TJP2: variants seen among roughly 807,000 people sequenced by gnomAD.
TJP2 encodes Friedreich ataxia region gene X104 (tight junction protein ZO-2).
Under a neutral mutation model 133.1 loss-of-function variants are expected in TJP2, and 91 were observed. The observed-to-expected ratio is 0.68, with a 90% confidence interval of 0.58 to 0.81. The LOEUF (loss-of-function observed/expected upper bound fraction) is 0.81. Among genes scored for constraint, TJP2 ranks in the 40% least tolerant of loss-of-function variants. The probability of loss-of-function intolerance (pLI) is 0.00; values close to 1 mark genes in which losing one functional copy is unlikely to be tolerated. For synonymous variants in TJP2, 592 were observed against 583.4 expected (o/e 1.01, Z -0.21); for missense variants, 1,541 against 1,565.6 (o/e 0.98, Z 0.26).
At chr9:69,207,060 TCA>T (rs1827485666) in intron 1 of TJP2, among the ~76,000 whole-genome samples, 1 of 152,186 alleles carries the variant, frequency 6.6e-6, no homozygotes, top group African/African-American at 2.4e-5. Flanking sequence ...CCTGCCCAGG[TCA>T]CCTCATCCTG....
intron 11 of TJP2, among the ~76,000 whole-genome samples, chr9:69,232,800 T>C (rs1024134673): frequency 6.6e-6 from 1 of 152,222 alleles, no homozygotes; most frequent in African/African-American, 2.4e-5. Context: ...AAAAAAGACT[T>C]CTAAGTTTGG....
At chr9:69,240,793 C>A (rs1397773235) in intron 17 of TJP2, among the ~76,000 whole-genome samples, 2 of 150,534 alleles carry the variant, frequency 1.3e-5, no homozygotes, top group Non-Finnish European at 3.0e-5. Context: ...TGAGTGAGAC[C>A]CTGTCTCTTC....
Position 69,229,208 on chromosome 9 carries a change from G to T in TJP2, c.1478G>T (p.Arg493Ile), listed in dbSNP as rs41277901. ...GCTCCTCAACCAAAAGCAGCCCCGAGAACTTTTCTTCGTCCTAGTCCTGAA... is the reference window on the plus strand; with the variant it reads ...GCTCCTCAACCAAAAGCAGCCCCGATAACTTTTCTTCGTCCTAGTCCTGAA... Reference protein sequence around the residue: ...PPAPQPKAAPRTFLRPSPEDE... With the variant: ...PPAPQPKAAPITFLRPSPEDE... The change falls in exon 10 of 23, where the codon AGA (arginine) becomes ATA (isoleucine). Residue 493 changes from arginine (R) to isoleucine (I), a missense_variant. Physicochemically the swap from Arg to Ile is moderately conservative, Grantham distance 97. Coordinates refer to ENST00000377245, the MANE Select transcript of TJP2 (RefSeq NM_004817.4). The T allele has an allele frequency of 6.2e-7, 1 of 1,614,100 alleles. No individual in the cohort carries two copies. Among genetic ancestry groups the T allele is most frequent in the Admixed American group, 1.7e-5 (1 of 60,026 alleles).
At chr9:69,154,318 G>T (rs538695627) in intron 2 of TJP2, among the ~76,000 whole-genome samples, 1 of 152,146 alleles carries the variant, frequency 6.6e-6, no homozygotes, top group Non-Finnish European at 1.5e-5. Flanking sequence ...TGTTGTGATC[G>T]ATTGGCAATG....
intron 19 of TJP2, 157 bp downstream of exon 19, chr9:69,248,381 G>C (rs1379175788): frequency 1.6e-5 from 23 of 1,438,692 alleles, no homozygotes; most frequent in Non-Finnish European, 2.1e-5. Flanking sequence ...ACGCTGGCAT[G>C]GTTGCAGTCT....
At chr9:69,205,815 C>G (rs965483659) in intron 1 of TJP2, among the ~76,000 whole-genome samples, 1 of 152,150 alleles carries the variant, frequency 6.6e-6, no homozygotes, top group Non-Finnish European at 1.5e-5. Flanking sequence ...CAGCAGCAGT[C>G]TGTGGATACA....
chr9:69,248,623 A>G, intron 19 of TJP2: 1 of 1,111,416 alleles, frequency 9.0e-7, no homozygotes, highest in Non-Finnish European at 1.1e-6. Context: ...TCCTGCCTTT[A>G]ACCTTTCTAA....
At chr9:69,187,911 T>C (rs3002380) in intron 1 of TJP2, among the ~76,000 whole-genome samples, 70,647 of 152,122 alleles carry the variant, frequency 0.46, 16,666 homozygotes, top group South Asian at 0.53. Flanking sequence ...ATTCTCTCCC[T>C]TTTCTTAGAG....
At chr9:69,198,393 T>C (rs11145648) in intron 1 of TJP2, among the ~76,000 whole-genome samples, 57,714 of 152,112 alleles carry the variant, frequency 0.38, 11,218 homozygotes, top group South Asian at 0.44. Flanking sequence ...CTGCCCGCCT[T>C]GGCCTCCCAA....
chr9:69,142,033 C>G (rs967165621), intron 1 of TJP2, among the ~76,000 whole-genome samples: 1 of 152,170 alleles, frequency 6.6e-6, no homozygotes, highest in Non-Finnish European at 1.5e-5. Context: ...AGTCTTTCCC[C>G]TGTGTCATGG....
rs1831046850 is a variant in TJP2, at chr9:69,248,012, A to G, written c.2668A>G (p.Met890Val). The part of the protein sequence containing the change: ...GEAVWVSEGK[M>V]EGMDDDPEDR... The stretch of plus-strand genomic sequence containing the variant: ...GACCGTCCAACACAAATTCCTCTAG[A>G]TGGAAGGGATGGATGATGACCCCGA... Residue 890 changes from methionine (M) to valine (V), a missense_variant and splice_region_variant, in exon 19 of 23, where the codon ATG becomes GTG. Coordinates refer to ENST00000377245, the MANE Select transcript of TJP2 (RefSeq NM_004817.4). 1 of 1,599,840 alleles carries G rather than the reference A, an allele frequency of 6.3e-7. No individual in the cohort carries two copies. Among genetic ancestry groups the G allele is most frequent in the Non-Finnish European group, 8.5e-7 (1 of 1,171,126 alleles).
chr9:69,246,062 A>G (rs116711834), intron 17 of TJP2, among the ~76,000 whole-genome samples: 2,099 of 152,332 alleles, frequency 0.014, 48 homozygotes, highest in African/African-American at 0.048. Context: ...ACAATATAGT[A>G]TAACAACGAT....
At chr9:69,235,850 C>T (rs1187396493) in intron 12 of TJP2, among the ~76,000 whole-genome samples, 178 bp from the exon 13 acceptor site, 1 of 152,168 alleles carries the variant, frequency 6.6e-6, no homozygotes, top group Non-Finnish European at 1.5e-5. Context: ...ACCATTGCAG[C>T]AAGCCGTGAA....
intron 12 of TJP2, among the ~76,000 whole-genome samples, chr9:69,235,107 A>G (rs1226887563): frequency 6.6e-6 from 1 of 152,194 alleles, no homozygotes; most frequent in Non-Finnish European, 1.5e-5. Flanking sequence ...GAGACTGGCA[A>G]GTGCCAAGAT....
chr9:69,249,356 G>T lies in TJP2; in HGVS notation c.2881-19G>T. ...CTGCTTGGATGTTCTTGTTGTGAAT[G>T]AACCTTTATGTCTTGTAGAGCATAA... On this transcript the variant is annotated intron_variant, in intron 19 of 22. Transcript: ENST00000377245. The T allele has an allele frequency of 6.3e-7, 1 of 1,594,706 alleles. No individual in the cohort carries two copies. Among genetic ancestry groups the T allele is most frequent in the East Asian group, 2.3e-5 (1 of 44,162 alleles).
chr9:69,223,344 T>TA (rs1829058784), intron 5 of TJP2, among the ~76,000 whole-genome samples: 1 of 152,116 alleles, frequency 6.6e-6, no homozygotes, highest in South Asian at 2.1e-4. Context: ...GTCTCGCTCT[T>TA]TCGCCCAGGG....
In TJP2 at chr9:69,230,213, A is replaced by G. The variant is rs1453995916; in HGVS notation, c.1652A>G (p.Glu551Gly). 1 of 1,614,012 alleles carries G rather than the reference A, an allele frequency of 6.2e-7. No homozygotes were observed. Among genetic ancestry groups the G allele is most frequent in the East Asian group, 2.2e-5 (1 of 44,890 alleles). Residue 551 changes from glutamate (E) to glycine (G), a missense_variant, in exon 11 of 23, where the codon GAA becomes GGA. By Grantham distance (98) the Glu-to-Gly change is moderately conservative. Coordinates refer to ENST00000377245, the MANE Select transcript of TJP2 (RefSeq NM_004817.4). ...GTSAEQEGLQ[E>G]GDQILKVNTQ... The stretch of plus-strand genomic sequence containing the variant: ...TCGGCGGAGCAGGAGGGCCTTCAAG[A>G]AGGAGACCAGATTCTGAAGGTAAGA...
upstream of TJP2, chr9:69,174,135 T>G: frequency 1.6e-6 from 2 of 1,237,512 alleles, no homozygotes; most frequent in East Asian, 3.5e-5. Flanking sequence ...TAGCGGCCAA[T>G]TTGACAGTTT....
intron 18 of TJP2, 92 bp from the exon 19 acceptor site, chr9:69,247,920 G>A: frequency 7.6e-7 from 1 of 1,311,974 alleles, no homozygotes; most frequent in South Asian, 1.6e-5. Flanking sequence ...CAAGGTTTCA[G>A]TCGCTTGGCT....
Sources: allele counts gnomAD v4.1 joint callset (sites outside exome capture counted in the v4.1 genomes callset), GRCh38; gene constraint gnomAD v4.1.1; transcripts MANE v1.5; gene names NCBI Gene and HGNC (gene_info 2026-07-23, HGNC 2026-07-21).